GAREM1: variants seen among roughly 807,000 people sequenced by gnomAD.
GAREM1 encodes GRB2-associated and regulator of MAPK protein 1.
A neutral mutation model predicts 71.3 loss-of-function variants in GAREM1; 26 were observed. That is an observed-to-expected ratio of 0.36 (90% CI 0.27 to 0.51). GAREM1 has a LOEUF of 0.51. Among genes scored for constraint, GAREM1 ranks in the 20% least tolerant of loss-of-function variants. The probability of loss-of-function intolerance (pLI) is 0.95; values close to 1 mark genes in which losing one functional copy is unlikely to be tolerated. For missense variants in GAREM1, 1,026 were observed against 1,103.1 expected, an observed-to-expected ratio of 0.93 and a Z score of 0.99; for synonymous variants, 440 against 433.2, an observed-to-expected ratio of 1.02 and a Z score of -0.20.
At chr18:32,272,567 C>A (rs1326264864) in intron 4 of GAREM1, among the ~76,000 whole-genome samples, 1 of 151,802 alleles carries the variant, frequency 6.6e-6, no homozygotes, top group African/African-American at 2.4e-5. Context: ...TTTGGATAAT[C>A]ACGTGAGAGG....
chr18:32,373,652 C>T (rs369739872), intron 2 of GAREM1, among the ~76,000 whole-genome samples: 5 of 152,178 alleles, frequency 3.3e-5, no homozygotes, highest in Non-Finnish European at 5.9e-5. Context: ...ACACATGCTC[C>T]GCTCCAGCCG....
At position 32,343,311 on chromosome 18, in the gene GAREM1, G is replaced by GTTTTT. The variant is rs35086441; in HGVS notation, c.263-32993_263-32989dup. 5.5e-4 allele frequency among the ~76,000 whole-genome samples: 65 copies of GTTTTT among 118,858 alleles called. 1 individual carries two copies. The highest frequency in any genetic ancestry group is 2.1e-3 in the African/African-American group (63 of 29,826). The allele number at this position is 118,858 out of a possible 152,430, so 78.0% of individuals were successfully genotyped here. A position where few individuals can be genotyped will look rare whatever the true frequency, so the allele number is the denominator to read the frequency against. ...AGCTAAAAGAGTACTCTCCCCCACT[G>GTTTTT]TTTTTTTTTTTTTTTTTTTTTGAGA... is the stretch of plus-strand genomic sequence containing the variant. On this transcript the variant is annotated intron_variant, in intron 2 of 5. Coordinates refer to ENST00000269209, the MANE Select transcript of GAREM1 (RefSeq NM_001242409.2).
intron 1 of GAREM1, among the ~76,000 whole-genome samples, chr18:32,420,769 A>AAAG (rs1474579361): frequency 5.9e-5 from 9 of 151,856 alleles, no homozygotes; most frequent in African/African-American, 1.9e-4. Flanking sequence ...AAAAAAAAAA[A>AAAG]ATAGAATCCC....
chr18:32,470,068 T>G lies in GAREM1; in HGVS notation c.121+240A>C, dbSNP rs2049035461. Among the ~76,000 whole-genome samples the G allele has an allele frequency of 1.3e-5, 2 of 151,732 alleles. No homozygotes were observed. Among genetic ancestry groups the G allele is most frequent in the African/African-American group, 4.8e-5 (2 of 41,294 alleles). ...CTGCAGAGGTCTCCCTATGTTGACT[T>G]TTTTTTTAGGGCGTCCTTTTTAATT... is the stretch of plus-strand genomic sequence containing the variant. On this transcript the variant is annotated intron_variant, in intron 1 of 5. Coordinates refer to ENST00000269209, the MANE Select transcript of GAREM1 (RefSeq NM_001242409.2). This position sits in a 1 kb window ranked among gnomAD's most constrained non-coding sequence, Gnocchi z 4.4.
At position 32,301,418 on chromosome 18, in the gene GAREM1, C is replaced by T. The variant is rs147092529; in HGVS notation, c.393+8775G>A. Among the ~76,000 whole-genome samples, 579 of 152,202 alleles carry T rather than the reference C, an allele frequency of 3.8e-3. 5 individuals carry two copies. Among genetic ancestry groups the T allele is most frequent in the Middle Eastern group, 0.01 (3 of 294 alleles). Reference sequence around the variant, plus strand: ...GTGAACAAATGTGAACATGAAAGAGCCAATCCTCTAAGATGGATCCTGAGT... The same window carrying T: ...GTGAACAAATGTGAACATGAAAGAGTCAATCCTCTAAGATGGATCCTGAGT... On this transcript the variant is annotated intron_variant, in intron 3 of 5. Coordinates refer to ENST00000269209, the MANE Select transcript of GAREM1 (RefSeq NM_001242409.2).
At chr18:32,419,398 G>C (rs1275257331) in intron 1 of GAREM1, among the ~76,000 whole-genome samples, 1 of 152,106 alleles carries the variant, frequency 6.6e-6, no homozygotes, top group East Asian at 1.9e-4. Flanking sequence ...TGGGAAGTAA[G>C]TAGAGGGTAG....
chr18:32,281,195 C>T (rs1042741548), intron 4 of GAREM1, among the ~76,000 whole-genome samples: 8 of 152,158 alleles, frequency 5.3e-5, no homozygotes, highest in African/African-American at 1.4e-4. Flanking sequence ...GGATTGAAAT[C>T]GATGTGCAGC....
intron 1 of GAREM1, among the ~76,000 whole-genome samples, chr18:32,393,975 T>C (rs1274370497): frequency 6.6e-6 from 1 of 152,260 alleles, no homozygotes; most frequent in Admixed American, 6.5e-5. Flanking sequence ...AACTGTGTTT[T>C]GAAATGGCAT....
At chr18:32,289,348 A>G (rs1170133476) in intron 3 of GAREM1, among the ~76,000 whole-genome samples, 1 of 152,190 alleles carries the variant, frequency 6.6e-6, no homozygotes, top group African/African-American at 2.4e-5. Context: ...GTCTCCCTAC[A>G]CTCACACTGA....
intron 2 of GAREM1, among the ~76,000 whole-genome samples, chr18:32,378,512 A>AC (rs1281689162): frequency 6.6e-6 from 1 of 150,694 alleles, no homozygotes; most frequent in Non-Finnish European, 1.5e-5. Flanking sequence ...AAAAAAAAAA[A>AC]AAACAAAAAG....
intron 3 of GAREM1, among the ~76,000 whole-genome samples, chr18:32,306,865 T>C (rs2047261408): frequency 6.6e-6 from 1 of 152,046 alleles, no homozygotes; most frequent in Admixed American, 6.5e-5. Context: ...GCTCAAAATA[T>C]ATTTGCTGGT....
At chr18:32,385,181 CTT>C (rs1291099074) in intron 2 of GAREM1, among the ~76,000 whole-genome samples, 4 of 145,926 alleles carry the variant, frequency 2.7e-5, no homozygotes, top group African/African-American at 1.0e-4. Context: ...CTTGGCTTCC[CTT>C]TTTTTTTTTA....
intron 1 of GAREM1, among the ~76,000 whole-genome samples, chr18:32,468,624 G>C (rs1371804335): frequency 7.2e-5 from 11 of 152,134 alleles, no homozygotes; most frequent in Non-Finnish European, 8.8e-5. Flanking sequence ...TGAATGGCAG[G>C]GATAGAAAAG....
intron 2 of GAREM1, among the ~76,000 whole-genome samples, chr18:32,340,503 G>T (rs999641504): frequency 6.6e-6 from 1 of 152,170 alleles, no homozygotes; most frequent in Non-Finnish European, 1.5e-5. Context: ...AGCAGCACAT[G>T]ATGAAGCTGC....
At chr18:32,273,756 AAACT>A in intron 4 of GAREM1, among the ~76,000 whole-genome samples, 1 of 152,166 alleles carries the variant, frequency 6.6e-6, no homozygotes, top group Non-Finnish European at 1.5e-5. Context: ...AGAGAGAAAC[AAACT>A]GATTCTTACT....
chr18:32,313,810 T>G (rs575870435), intron 2 of GAREM1, among the ~76,000 whole-genome samples: 21 of 152,200 alleles, frequency 1.4e-4, no homozygotes, highest in Middle Eastern at 3.4e-3. Flanking sequence ...AAAATAGAGC[T>G]GCCACCTGAA....
chr18:32,310,308 A>T lies in GAREM1; in HGVS notation c.278T>A (p.Leu93Gln). 1.2e-6 allele frequency: 2 copies of T among 1,614,114 alleles called. No individual in the cohort carries two copies. The highest frequency in any genetic ancestry group is 1.7e-6 in the Non-Finnish European group (2 of 1,180,004). The stretch of plus-strand genomic sequence containing the variant: ...CTCCTTTATATCTCGGTCTTGTTCC[A>T]GCAGCTTGAATTGCCCTAAAACACA... ...PVHYAGQFKL[L>Q]EQDRDIKEPV... Residue 93 changes from leucine (L) to glutamine (Q), a missense_variant, in exon 3 of 6, where the codon CTG becomes CAG. Physicochemically the swap from Leu to Gln is moderately radical, Grantham distance 113. Transcript: ENST00000269209.
intron 1 of GAREM1, among the ~76,000 whole-genome samples, chr18:32,441,883 C>G (rs1244166539): frequency 1.3e-5 from 2 of 152,194 alleles, no homozygotes; most frequent in African/African-American, 4.8e-5. Context: ...TACCAAGTCC[C>G]TTGGAAGGTC....
Position 32,403,629 on chromosome 18 carries a change from G to A in GAREM1, c.122-10594C>T, listed in dbSNP as rs72931899. Reference sequence around the variant, plus strand: ...CTTGCTCTGTCACCCAGTCTGGAGTGCAGTGGTCCAATCACAACTCACTGT... The same window carrying A: ...CTTGCTCTGTCACCCAGTCTGGAGTACAGTGGTCCAATCACAACTCACTGT... On this transcript the variant is annotated intron_variant, in intron 1 of 5. Transcript: ENST00000269209. Among the ~76,000 whole-genome samples, 721 of 152,174 alleles carry A rather than the reference G, an allele frequency of 4.7e-3. 3 individuals are homozygous for A. The highest frequency in any genetic ancestry group is 7.9e-3 in the Non-Finnish European group (534 of 68,010).
Sources: allele counts gnomAD v4.1 joint callset (sites outside exome capture counted in the v4.1 genomes callset), GRCh38; gene constraint gnomAD v4.1.1; non-coding constraint Gnocchi (gnomAD v3.1); transcripts MANE v1.5; gene names NCBI Gene and HGNC (gene_info 2026-07-23, HGNC 2026-07-21).